The following TTLL2 variants were observed in gnomAD, a reference collection of about 807,000 sequenced individuals.
The protein encoded by TTLL2 is tubulin tyrosine ligase like 2.
Under a neutral mutation model 7.5 loss-of-function variants are expected in TTLL2, and 10 were observed. The observed-to-expected ratio is 1.33, with a 90% confidence interval of 0.82 to 2.25. TTLL2 has a LOEUF of 2.25. Ranked by LOEUF, TTLL2 falls within the 30% of genes most tolerant of loss-of-function variation. TTLL2 has a pLI of 0.00. For missense variants in TTLL2, 733 were observed against 735.7 expected, an observed-to-expected ratio of 1.00 and a Z score of 0.04; for synonymous variants, 284 against 280.3, an observed-to-expected ratio of 1.01 and a Z score of -0.13.
At chr6:167,327,544 C>A (rs377310568) in intron 1 of TTLL2, among the ~76,000 whole-genome samples, 1 of 152,158 alleles carries the variant, frequency 6.6e-6, no homozygotes, top group East Asian at 1.9e-4. Flanking sequence ...CAACTCACTT[C>A]TAAATTTGGA....
chr6:167,326,618 A>G (rs926219076), intron 1 of TTLL2, among the ~76,000 whole-genome samples: 7 of 152,212 alleles, frequency 4.6e-5, no homozygotes, highest in African/African-American at 1.7e-4. Context: ...CTATGTCTAC[A>G]CCAAGCTTGT....
intron 1 of TTLL2, among the ~76,000 whole-genome samples, chr6:167,337,400 T>C (rs1779001433): frequency 1.3e-5 from 2 of 152,090 alleles, no homozygotes; most frequent in African/African-American, 4.8e-5. Context: ...TTTGCAGACC[T>C]GCCCTGTCTC....
chr6:167,340,942 A>T lies in TTLL2; in HGVS notation c.1042A>T (p.Met348Leu). 6.2e-7 allele frequency: 1 copy of T among 1,614,106 alleles called. No individual in the cohort carries two copies. ...GCTTTTGTGGAAGAAAATCCACCGC[A>T]TGGTTATTCTCACCATTCTCGCCAT... ...DLLLWKKIHR[M>L]VILTILAIAP... is the part of the protein sequence containing the mutation. The change falls in exon 3 of 3, where the codon ATG becomes TTG. Residue 348 changes from methionine (M) to leucine (L), a missense_variant. Met to Leu is a conservative substitution (Grantham distance 15). Transcript: ENST00000239587.
chr6:167,332,426 C>A (rs957346201), intron 1 of TTLL2, among the ~76,000 whole-genome samples: 1 of 151,944 alleles, frequency 6.6e-6, no homozygotes, highest in African/African-American at 2.4e-5. Context: ...CAATGTTAGG[C>A]GAAATTCAAT....
At chr6:167,338,511 T>G in intron 1 of TTLL2, 136 bp from the exon 2 acceptor site, 1 of 1,196,426 alleles carries the variant, frequency 8.4e-7, no homozygotes, top group Non-Finnish European at 1.1e-6. Context: ...TGGAACAATT[T>G]GAAAGCATTA....
intron 1 of TTLL2, 107 bp downstream of exon 1, chr6:167,325,327 G>T: frequency 3.3e-6 from 4 of 1,200,252 alleles, no homozygotes; most frequent in Non-Finnish European, 4.5e-6. Flanking sequence ...ACTAGGAGCA[G>T]CGAGTGTGCA....
Position 167,337,504 on chromosome 6 carries a change from C to T in TTLL2, c.48-1143C>T, listed in dbSNP as rs908138279. Among the ~76,000 whole-genome samples, 4 of 152,238 alleles carry T rather than the reference C, an allele frequency of 2.6e-5. No individual in the cohort carries two copies. In the East Asian group the frequency reaches 7.7e-4, roughly 29 times the overall value. On this transcript the variant is annotated intron_variant, in intron 1 of 2. Transcript: ENST00000239587. ...AGGGGAGGCAGGGCTCAGGCCAGGG[C>T]GCGCCAACCTTCTAGAGCCTGGATG... is the stretch of plus-strand genomic sequence containing the variant.
At chr6:167,331,043 T>G (rs1778914601) in intron 1 of TTLL2, among the ~76,000 whole-genome samples, 1 of 152,230 alleles carries the variant, frequency 6.6e-6, no homozygotes, top group African/African-American at 2.4e-5. Context: ...GTGCCCTTCC[T>G]GTTCCTGCAC....
intron 1 of TTLL2, 143 bp from the exon 2 acceptor site, chr6:167,338,504 A>ACC: frequency 1.3e-6 from 1 of 796,204 alleles, no homozygotes; most frequent in Non-Finnish European, 1.7e-6. Flanking sequence ...GATAGCATGG[A>ACC]ACAATTTGAA....
At chr6:167,328,125 A>T (rs1024825187) in intron 1 of TTLL2, 6 of 456,258 alleles carry the variant, frequency 1.3e-5, no homozygotes, top group Admixed American at 4.7e-5. Context: ...CCAAAAAGAT[A>T]AAATGTGAAG....
chr6:167,325,209 C>T lies in TTLL2; in HGVS notation c.36C>T (p.Ser12=). ...GGGACCTGTGTTCCTCCACACAAAG[C>T]CAGGCGCTGGGGTAAGCGTAGGAGG... ...RGRDLCSSTQ[S]QALGSLRTTT... The change falls in exon 1 of 3, where the codon AGC becomes AGT. Residue 12 remains serine (S), a synonymous_variant. Transcript: ENST00000239587. 1.3e-6 allele frequency: 2 copies of T among 1,574,484 alleles called. No homozygotes were observed. The highest frequency in any genetic ancestry group is 8.6e-7 in the Non-Finnish European group (1 of 1,160,712).
Position 167,341,362 on chromosome 6 carries a change from C to T in TTLL2, c.1462C>T (p.Leu488=). ...VRPEAAPASQ[L]EGEMSGQDFH... is the part of the protein sequence containing the mutation. Reference sequence around the variant, plus strand: ...TCCTGAAGCTGCACCTGCCTCCCAGCTGGAAGGAGAGATGAGTGGGCAGGA... The same window carrying T: ...TCCTGAAGCTGCACCTGCCTCCCAGTTGGAAGGAGAGATGAGTGGGCAGGA... The change falls in exon 3 of 3, where the codon CTG becomes TTG. Residue 488 remains leucine (L), a synonymous_variant. Coordinates refer to ENST00000239587, the MANE Select transcript of TTLL2 (RefSeq NM_031949.5). The T allele has an allele frequency of 6.2e-7, 1 of 1,613,844 alleles. No homozygotes were observed. The highest frequency in any genetic ancestry group is 1.1e-5 in the South Asian group (1 of 91,056).
chr6:167,339,601 G>C (rs75165427), intron 2 of TTLL2, among the ~76,000 whole-genome samples: 1 of 152,060 alleles, frequency 6.6e-6, no homozygotes, highest in Non-Finnish European at 1.5e-5. Flanking sequence ...GGGTGCATGG[G>C]GAACCATGGT....
At chr6:167,329,207 T>C (rs922346078) in intron 1 of TTLL2, among the ~76,000 whole-genome samples, 5 of 152,086 alleles carry the variant, frequency 3.3e-5, no homozygotes, top group Non-Finnish European at 7.3e-5. Flanking sequence ...CAGTGCAAGG[T>C]GGAGATCATG....
chr6:167,329,074 T>C (rs73266936), intron 1 of TTLL2, among the ~76,000 whole-genome samples: 11,318 of 152,106 alleles, frequency 0.074, 423 homozygotes, highest in Non-Finnish European at 0.083. Flanking sequence ...GCACTTTCAG[T>C]GTCCGCAGTT....
chr6:167,338,877 T>C (rs1396135161), intron 2 of TTLL2, 74 bp downstream of exon 2: 30 of 1,425,086 alleles, frequency 2.1e-5, no homozygotes, highest in Admixed American at 7.4e-5. Context: ...CTTTCCTCCT[T>C]CTTTTTTCCC....
At chr6:167,331,937 T>G (rs904713442) in intron 1 of TTLL2, among the ~76,000 whole-genome samples, 5 of 152,214 alleles carry the variant, frequency 3.3e-5, no homozygotes, top group African/African-American at 1.2e-4. Flanking sequence ...GAATCTGCTG[T>G]GACTCTGGGG....
In TTLL2 at chr6:167,325,214, C is replaced by A; in HGVS notation, c.41C>A (p.Ala14Glu). 17 of 1,572,498 alleles carry A rather than the reference C, an allele frequency of 1.1e-5. No individual in the cohort carries two copies. Among genetic ancestry groups the A allele is most frequent in the Non-Finnish European group, 1.5e-5 (17 of 1,159,688 alleles). ...CTGTGTTCCTCCACACAAAGCCAGG[C>A]GCTGGGGTAAGCGTAGGAGGCGACA... is the stretch of plus-strand genomic sequence containing the variant. ...RDLCSSTQSQ[A>E]LGSLRTTTPA... is the part of the protein sequence containing the mutation. Residue 14 changes from alanine to glutamate, a missense_variant, in exon 1 of 3, where the codon GCG becomes GAG. Ala to Glu is a moderately radical substitution (Grantham distance 107). Transcript: ENST00000239587.
intron 1 of TTLL2, among the ~76,000 whole-genome samples, chr6:167,335,623 A>G (rs1404591305): frequency 6.6e-6 from 1 of 151,422 alleles, no homozygotes; most frequent in Non-Finnish European, 1.5e-5. Context: ...TATATACACC[A>G]TGGAATACTA....
Sources: allele counts gnomAD v4.1 joint callset (sites outside exome capture counted in the v4.1 genomes callset), GRCh38; gene constraint gnomAD v4.1.1; transcripts MANE v1.5; gene names NCBI Gene and HGNC (gene_info 2026-07-23, HGNC 2026-07-21).